The following PDZK1 variants were observed in gnomAD, a reference collection of about 807,000 sequenced individuals.
PDZK1 encodes the protein PDZ domain containing 1, also known as Na(+)/H(+) exchange regulatory cofactor NHE-RF3.
In PDZK1, 23 loss-of-function variants were observed where a neutral mutation model predicts 38.1. That is an observed-to-expected ratio of 0.60 (90% CI 0.43 to 0.85). The LOEUF is 0.85. Ranked by LOEUF, PDZK1 falls within the 40% of genes least tolerant of loss-of-function variation. PDZK1 has a pLI of 0.00. For synonymous variants in PDZK1, 98 were observed against 186.2 expected, an observed-to-expected ratio of 0.53 and a Z score of 3.86; for missense variants, 297 against 504.3, an observed-to-expected ratio of 0.59 and a Z score of 3.94.
rs1429605763 is a variant in PDZK1, at chr1:145,684,112, G to A, written c.461-1476C>T. Among the ~76,000 whole-genome samples, 28 of 151,198 alleles carry A rather than the reference G, an allele frequency of 1.9e-4. 1 individual carries two copies. The highest frequency in any genetic ancestry group is 3.2e-4 in the Non-Finnish European group (22 of 67,920). ...TCCACTCGCCTCGCACTCTCAAAGC[G>A]CTAGGATTACAGATATGAGCCACTG... is the stretch of plus-strand genomic sequence containing the variant. On this transcript the variant is annotated intron_variant, in intron 3 of 8. Transcript: ENST00000417171.
In PDZK1 at chr1:145,679,310, T is replaced by TC. The variant is rs587757402; in HGVS notation, c.794-666dup. Among the ~76,000 whole-genome samples the TC allele has an allele frequency of 6.6e-5, 10 of 151,956 alleles. No homozygotes were observed. In the South Asian group the frequency reaches 2.1e-3, roughly 32 times the overall value. ...TGCCCATTCTCCATCCCAAAGCCCC[T>TC]CCTCTTGGTTACCTGTTAGTGGAGC... is the stretch of plus-strand genomic sequence containing the variant. On this transcript the variant is annotated intron_variant, in intron 5 of 8. Coordinates refer to ENST00000417171, the MANE Select transcript of PDZK1 (RefSeq NM_001201325.2).
intron 6 of PDZK1, among the ~76,000 whole-genome samples, chr1:145,675,203 T>C (rs1571574890): frequency 1.3e-5 from 2 of 149,768 alleles, no homozygotes; most frequent in East Asian, 3.9e-4. Flanking sequence ...GGAAACAGGA[T>C]TGATTTTTTT....
At chr1:145,689,849 C>T (rs782324651) in intron 1 of PDZK1, among the ~76,000 whole-genome samples, 2 of 152,176 alleles carry the variant, frequency 1.3e-5, no homozygotes, top group African/African-American at 2.4e-5. Context: ...GATAGCCATC[C>T]CTGACCTTCA....
At position 145,675,910 on chromosome 1, in the gene PDZK1, T is replaced by C. The variant is rs1164692834; in HGVS notation, c.991-2029A>G. Among the ~76,000 whole-genome samples the C allele has an allele frequency of 1.1e-4, 17 of 152,048 alleles. No individual in the cohort carries two copies. In the East Asian group the frequency reaches 1.7e-3, roughly 16 times the overall value. On this transcript the variant is annotated intron_variant, in intron 6 of 8. Coordinates refer to ENST00000417171, the MANE Select transcript of PDZK1 (RefSeq NM_001201325.2). ...GCACACACCTGTAGTCCCAGCTACTTGAGAGACTGAGGCAGGAGACTCACT... is the reference window on the plus strand; with the variant it reads ...GCACACACCTGTAGTCCCAGCTACTCGAGAGACTGAGGCAGGAGACTCACT...
Position 145,687,816 on chromosome 1 carries a change from A to G in PDZK1, c.206T>C (p.Met69Thr), listed in dbSNP as rs370452312. 5.6e-6 allele frequency: 9 copies of G among 1,610,922 alleles called. No homozygotes were observed. In the African/African-American group the frequency reaches 6.7e-5, roughly 12 times the overall value. ...AGCCCCAAATGTCTCATTCACCTGC[A>G]TATGTTCTTCTTTGTCCACAAAGAC... ...NGVFVDKEEHMQVVDLVRKSG... is the reference protein window; with the variant it reads ...NGVFVDKEEHTQVVDLVRKSG... Residue 69 changes from methionine to threonine, a missense_variant, in exon 2 of 9, where the codon ATG (methionine) becomes ACG (threonine). Met to Thr is a moderately conservative substitution (Grantham distance 81, BLOSUM62 -1). This residue lies in a region of PDZK1 where 159 missense variants were observed against 200.0 expected (regional missense o/e 0.79). Transcript: ENST00000417171.
rs1553698226 is a variant in PDZK1, at chr1:145,672,742, C to T, written c.1494G>A (p.Met498Ile). Reference protein sequence around the residue: ...IVVESNHDSHMAKERAHSTAS... With the variant: ...IVVESNHDSHIAKERAHSTAS... ...GGCCCCCACTCACCCGTTCTTTTGC[C>T]ATGTGCGAGTCATGGTTTGACTCCA... The change falls in exon 8 of 9, where the codon ATG (methionine) becomes ATA (isoleucine). Residue 498 changes from methionine (M) to isoleucine (I), a missense_variant. Physicochemically the swap from Met to Ile is conservative, Grantham distance 10. Coordinates refer to ENST00000417171, the MANE Select transcript of PDZK1 (RefSeq NM_001201325.2). 1.9e-6 allele frequency: 3 copies of T among 1,611,902 alleles called. No individual in the cohort carries two copies. The highest frequency in any genetic ancestry group is 2.2e-5 in the East Asian group (1 of 44,880).
At chr1:145,694,210 C>G (rs587603583) in intron 1 of PDZK1, among the ~76,000 whole-genome samples, 1 of 152,340 alleles carries the variant, frequency 6.6e-6, no homozygotes, top group Admixed American at 6.5e-5. Flanking sequence ...TGAGGCCATT[C>G]CTCATCCTCC....
At chr1:145,677,143 T>C (rs1553699453) in intron 6 of PDZK1, among the ~76,000 whole-genome samples, 1 of 152,238 alleles carries the variant, frequency 6.6e-6, no homozygotes, top group Non-Finnish European at 1.5e-5. Context: ...AGTTAATTTT[T>C]AAATTACCAT....
intron 3 of PDZK1, among the ~76,000 whole-genome samples, chr1:145,682,925 A>G (rs1363494700): frequency 3.3e-5 from 5 of 149,996 alleles, no homozygotes; most frequent in African/African-American, 1.2e-4. Flanking sequence ...CTGGGGAGTA[A>G]CACAGAGATC....
chr1:145,675,707 G>T (rs1240967289), intron 6 of PDZK1, among the ~76,000 whole-genome samples: 4 of 152,136 alleles, frequency 2.6e-5, no homozygotes, highest in Admixed American at 2.6e-4. Context: ...GAGGCAAAGT[G>T]CAATAACATT....
intron 1 of PDZK1, among the ~76,000 whole-genome samples, chr1:145,699,546 G>A (rs918278293): frequency 1.3e-5 from 2 of 152,160 alleles, no homozygotes; most frequent in African/African-American, 4.8e-5. Flanking sequence ...GGATTGGGAA[G>A]ATGAAATGTT....
chr1:145,687,180 A>AC (rs1172546826), intron 2 of PDZK1, among the ~76,000 whole-genome samples: 8 of 152,068 alleles, frequency 5.3e-5, no homozygotes, highest in African/African-American at 1.9e-4. Flanking sequence ...TGAAATTGTA[A>AC]CATATACCTT....
At chr1:145,703,652 C>A (rs1488939880) in intron 1 of PDZK1, among the ~76,000 whole-genome samples, 2 of 151,846 alleles carry the variant, frequency 1.3e-5, no homozygotes, top group African/African-American at 4.8e-5. Flanking sequence ...GGAAGTCATC[C>A]CAGGCAGAAG....
intron 1 of PDZK1, among the ~76,000 whole-genome samples, chr1:145,698,218 C>T (rs912695841): frequency 3.3e-5 from 5 of 152,034 alleles, no homozygotes; most frequent in East Asian, 3.9e-4. Context: ...CGAGAGGGGA[C>T]GGAGGAAAAG....
At chr1:145,683,677 CT>C (rs1297916249) in intron 3 of PDZK1, among the ~76,000 whole-genome samples, 53 of 152,120 alleles carry the variant, frequency 3.5e-4, no homozygotes, top group Non-Finnish European at 7.1e-4. Flanking sequence ...ATACCGAACC[CT>C]ATATGTTTTT....
At chr1:145,672,092 T>TTCA (rs1360388895) in intron 8 of PDZK1, among the ~76,000 whole-genome samples, 2 of 152,220 alleles carry the variant, frequency 1.3e-5, no homozygotes, top group African/African-American at 2.4e-5. Context: ...CGACCTCAAG[T>TTCA]TCATCTATGA....
At chr1:145,674,129 G>A (rs1477415522) in intron 6 of PDZK1, 1 of 963,100 alleles carries the variant, frequency 1.0e-6, no homozygotes, top group Non-Finnish European at 1.2e-6. Flanking sequence ...AGCAGTATAG[G>A]ATGCGGTACA....
chr1:145,689,622 C>T (rs587636316), intron 1 of PDZK1, among the ~76,000 whole-genome samples: 46 of 152,304 alleles, frequency 3.0e-4, no homozygotes, highest in African/African-American at 1.1e-3. Flanking sequence ...AGGCAGAAGG[C>T]TCACAACAGA....
rs782186511 is a variant in PDZK1, at chr1:145,671,440, A to G, written c.1556T>C (p.Met519Thr). ...CAAAGCTATTACTTGTTTTCATCAC[A>G]TCTCTGTATCTTCAGAATTGGAAGA... Reference protein sequence around the residue: ...HSSSNSEDTEM With the variant: ...HSSSNSEDTET The change falls in exon 9 of 9, where the codon ATG becomes ACG. Residue 519 changes from methionine to threonine, a missense_variant. Coordinates refer to ENST00000417171, the MANE Select transcript of PDZK1 (RefSeq NM_001201325.2). 3 of 1,566,724 alleles carry G rather than the reference A, an allele frequency of 1.9e-6. No homozygotes were observed. Among genetic ancestry groups the G allele is most frequent in the East Asian group, 2.2e-5 (1 of 44,508 alleles).
Sources: gnomAD v4.1 joint callset for allele counts (sites outside exome capture counted in the v4.1 genomes callset) on GRCh38, gnomAD v4.1.1 for gene constraint, gnomAD v4.1.1 regional missense constraint, MANE v1.5 for transcripts, NCBI Gene and HGNC (gene_info 2026-07-23, HGNC 2026-07-21) for gene names.